STK3: variants seen among roughly 807,000 people sequenced by gnomAD.
The protein encoded by STK3 is serine/threonine kinase 3, also known as serine/threonine-protein kinase 3.
In STK3, 41 loss-of-function variants were observed where a neutral mutation model predicts 58.0. The ratio of observed to expected loss-of-function variants is 0.71; its 90% CI spans 0.55 to 0.92. The LOEUF is 0.92. Ranked by LOEUF, STK3 falls within the 40% of genes least tolerant of loss-of-function variation. The probability of loss-of-function intolerance (pLI) is 0.00; values close to 1 mark genes in which losing one functional copy is unlikely to be tolerated. For missense variants in STK3, 479 were observed against 602.7 expected (o/e 0.79, Z 2.15); for synonymous variants, 170 against 191.0 (o/e 0.89, Z 0.91).
intron 1 of STK3, among the ~76,000 whole-genome samples, chr8:98,822,784 T>A (rs1834989531): frequency 6.6e-6 from 1 of 152,150 alleles, no homozygotes; most frequent in Admixed American, 6.5e-5. Flanking sequence ...ATCCCAGCAC[T>A]TTAGGTGGCC....
Position 98,409,839 on chromosome 8 carries a change from G to A in STK3, n.484-8326C>T, listed in dbSNP as rs138590945. On this transcript the variant is annotated intron_variant and non_coding_transcript_variant, in intron 3 of 3. Transcript: ENST00000517832. ...TCCCTTGCCAGATGCCTTCTGGCCA[G>A]GCTGGGTGCTGGAGGGAAGACCTGT... Among the ~76,000 whole-genome samples the A allele has an allele frequency of 5.4e-3, 817 of 152,302 alleles. 7 individuals are homozygous for A. The highest frequency in any genetic ancestry group is 0.019 in the African/African-American group (787 of 41,568).
chr8:98,654,994 C>T (rs1821353808), intron 6 of STK3, among the ~76,000 whole-genome samples: 4 of 151,388 alleles, frequency 2.6e-5, no homozygotes, highest in Admixed American at 2.6e-4. Flanking sequence ...CTTTAAAGTT[C>T]ATATGGAAAA....
At chr8:98,582,428 C>T (rs1468749948) in intron 7 of STK3, among the ~76,000 whole-genome samples, 1 of 151,674 alleles carries the variant, frequency 6.6e-6, no homozygotes, top group Non-Finnish European at 1.5e-5. Context: ...TTTATTGCAC[C>T]GGAATGAATA....
intron 1 of STK3, among the ~76,000 whole-genome samples, chr8:98,938,484 T>G (rs1352347995): frequency 6.6e-6 from 1 of 152,202 alleles, no homozygotes; most frequent in African/African-American, 2.4e-5. Context: ...CTTGATTCCA[T>G]CTTAAGGTGA....
chr8:98,351,553 A>G, the STK3 span, among the ~76,000 whole-genome samples: 3 of 152,184 alleles, frequency 2.0e-5, no homozygotes, highest in Non-Finnish European at 4.4e-5. Context: ...GAAAGGATAT[A>G]TAGATGAAAG....
chr8:98,461,718 G>C (rs575458806), intron 10 of STK3, among the ~76,000 whole-genome samples: 20 of 152,180 alleles, frequency 1.3e-4, no homozygotes, highest in African/African-American at 4.6e-4. Flanking sequence ...GTCTGAAAAA[G>C]AATTTATTTC....
intron 3 of STK3, among the ~76,000 whole-genome samples, chr8:98,417,239 G>T (rs1818125156): frequency 6.6e-6 from 1 of 152,210 alleles, no homozygotes; most frequent in Admixed American, 6.5e-5. Context: ...TTTTGGCCGG[G>T]TGCGGTGGCT....
chr8:98,843,500 G>T (rs188587748), intron 3 of STK3, among the ~76,000 whole-genome samples: 1 of 152,146 alleles, frequency 6.6e-6, no homozygotes, highest in Non-Finnish European at 1.5e-5. Context: ...AATGGCTGCC[G>T]AATTTGCCAA....
intron 6 of STK3, among the ~76,000 whole-genome samples, chr8:98,654,550 G>C (rs1004430195): frequency 6.6e-6 from 1 of 152,208 alleles, no homozygotes; most frequent in African/African-American, 2.4e-5. Context: ...AATTGTCCCT[G>C]TTTGCAGATG....
At chr8:98,913,223 C>T (rs1195695813) in intron 1 of STK3, among the ~76,000 whole-genome samples, 1 of 151,730 alleles carries the variant, frequency 6.6e-6, no homozygotes, top group Non-Finnish European at 1.5e-5. Flanking sequence ...AATATTTTCA[C>T]TTGATTTATG....
At chr8:98,835,008 G>T (rs928845795) in intron 3 of STK3, among the ~76,000 whole-genome samples, 16 of 152,062 alleles carry the variant, frequency 1.1e-4, no homozygotes, top group African/African-American at 3.9e-4. Flanking sequence ...TTCATTTTTT[G>T]TTTGTATCAC....
chr8:98,863,216 G>T (rs1836998645), intron 3 of STK3, among the ~76,000 whole-genome samples: 1 of 152,182 alleles, frequency 6.6e-6, no homozygotes, highest in South Asian at 2.1e-4. Flanking sequence ...TCTTGTCTTT[G>T]TGAAAATAGT....
intron 2 of STK3, among the ~76,000 whole-genome samples, chr8:98,769,334 G>T (rs188484313): frequency 1.3e-5 from 2 of 152,192 alleles, no homozygotes; most frequent in South Asian, 2.1e-4. Context: ...TGAATCATGG[G>T]GGCAGGTCTT....
intron 7 of STK3, among the ~76,000 whole-genome samples, chr8:98,584,344 C>A (rs563840352): frequency 6.7e-6 from 1 of 149,794 alleles, no homozygotes; most frequent in Non-Finnish European, 1.5e-5. Context: ...TGAGAATATA[C>A]GGTGTTTGGT....
intron 10 of STK3, among the ~76,000 whole-genome samples, chr8:98,478,360 G>A (rs80000603): frequency 0.062 from 9,507 of 152,258 alleles, 422 homozygotes; most frequent in Non-Finnish European, 0.098. Flanking sequence ...GGGAGGTAGA[G>A]AAGGGTTTCC....
downstream of STK3, chr8:98,881,353 G>A (rs1837786276): frequency 6.6e-6 from 1 of 152,228 alleles, no homozygotes; most frequent in Non-Finnish European, 1.5e-5. Context: ...AAGGTCAGTT[G>A]TTCCTGGAGT....
intron 1 of STK3, among the ~76,000 whole-genome samples, chr8:98,440,330 A>G (rs1053465931): frequency 3.3e-5 from 5 of 152,314 alleles, no homozygotes; most frequent in Middle Eastern, 3.4e-3. Context: ...CATTTTTTAA[A>G]AATTTATTTT....
At chr8:98,473,395 G>A (rs1168180418) in intron 10 of STK3, among the ~76,000 whole-genome samples, 1 of 152,066 alleles carries the variant, frequency 6.6e-6, no homozygotes, top group Non-Finnish European at 1.5e-5. Context: ...TATACTTTCT[G>A]ATATTTCCCA....
chr8:98,861,387 G>A (rs188697253), intron 3 of STK3, among the ~76,000 whole-genome samples: 105 of 119,254 alleles, frequency 8.8e-4, no homozygotes, highest in African/African-American at 3.0e-3. Context: ...AGTCTCTGTC[G>A]CCCAGGCTGG....
Sources: gnomAD v4.1 joint callset for allele counts (sites outside exome capture counted in the v4.1 genomes callset) on GRCh38, gnomAD v4.1.1 for gene constraint, MANE v1.5 for transcripts, NCBI Gene and HGNC (gene_info 2026-07-23, HGNC 2026-07-21) for gene names.